KIAA0232: variants seen among roughly 807,000 people sequenced by gnomAD.
KIAA0232 encodes uncharacterized protein KIAA0232.
KIAA0232 carries 27 observed loss-of-function variants against 122.0 expected under a neutral mutation model. That is an observed-to-expected ratio of 0.22 (90% CI 0.16 to 0.31). The LOEUF is 0.31. Among genes scored for constraint, KIAA0232 ranks in the 10% least tolerant of loss-of-function variants. KIAA0232 has a pLI of 1.00. For missense variants in KIAA0232, 1,551 were observed against 1,634.2 expected (o/e 0.95, Z 0.88); for synonymous variants, 613 against 587.6 (o/e 1.04, Z -0.63).
At chr4:6,811,626 G>A (rs974299059) in intron 2 of KIAA0232, among the ~76,000 whole-genome samples, 7 of 151,900 alleles carry the variant, frequency 4.6e-5, no homozygotes, top group African/African-American at 7.3e-5. Context: ...TATTTTTTTG[G>A]TAGAGATGGG....
chr4:6,839,508 A>G (rs1237456176), intron 3 of KIAA0232, among the ~76,000 whole-genome samples: 2 of 152,238 alleles, frequency 1.3e-5, no homozygotes, highest in African/African-American at 2.4e-5. Flanking sequence ...CAATACAGAG[A>G]AAACTAGGGA....
intron 8 of KIAA0232, among the ~76,000 whole-genome samples, chr4:6,873,375 A>T (rs1260973196): frequency 6.6e-6 from 1 of 152,232 alleles, no homozygotes; most frequent in East Asian, 1.9e-4. Context: ...GCTTCCCTTC[A>T]TGTGTGTCCA....
At chr4:6,808,980 A>G (rs767567860) in intron 2 of KIAA0232, among the ~76,000 whole-genome samples, 18 of 152,156 alleles carry the variant, frequency 1.2e-4, no homozygotes, top group Non-Finnish European at 4.4e-5. Flanking sequence ...GTATAAAAGG[A>G]CATCATCACA....
At chr4:6,838,178 A>G (rs969674174) in intron 3 of KIAA0232, among the ~76,000 whole-genome samples, 4 of 140,438 alleles carry the variant, frequency 2.8e-5, no homozygotes, top group Non-Finnish European at 4.6e-5. Flanking sequence ...GTATGAGGGT[A>G]ACAAAGATAG....
chr4:6,871,964 A>G (rs945619600), intron 8 of KIAA0232, among the ~76,000 whole-genome samples: 1 of 152,218 alleles, frequency 6.6e-6, no homozygotes, highest in Non-Finnish European at 1.5e-5. Context: ...AGGAGGAAAC[A>G]GCGGGCAGTC....
intron 7 of KIAA0232, among the ~76,000 whole-genome samples, chr4:6,864,829 A>G (rs1307181936): frequency 6.6e-6 from 1 of 152,156 alleles, no homozygotes; most frequent in Non-Finnish European, 1.5e-5. Context: ...ATGAATCAGG[A>G]AGTGGCTGCT....
Position 6,824,215 on chromosome 4 carries a change from T to C in KIAA0232, c.-239T>C. Reference sequence around the variant, plus strand: ...GCCGGAGACTTCCATTTGGCCTCAATGTGAAATTAAAGTAGAAAATCACAT... The same window carrying C: ...GCCGGAGACTTCCATTTGGCCTCAACGTGAAATTAAAGTAGAAAATCACAT... On this transcript the variant is annotated 5_prime_UTR_variant, in exon 3 of 10. An upstream start codon of the reference 5' UTR is lost. Coordinates refer to ENST00000307659, the MANE Select transcript of KIAA0232 (RefSeq NM_014743.3). 8 of 548,646 alleles carry C rather than the reference T, an allele frequency of 1.5e-5. No homozygotes were observed. The East Asian group carries it at 1.7e-4, about 11-fold the overall frequency. 34.0% of individuals were successfully genotyped at this position (548,646 alleles called of 1,614,324 possible). A position where few individuals can be genotyped will look rare whatever the true frequency, so the allele number is the denominator to read the frequency against.
chr4:6,826,501 G>T (rs1435611399), intron 3 of KIAA0232, among the ~76,000 whole-genome samples: 2 of 148,128 alleles, frequency 1.4e-5, no homozygotes, highest in Non-Finnish European at 3.0e-5. Context: ...CATAGGGAAT[G>T]ATTTTTTTTT....
rs1720529012 is a variant in KIAA0232 at position 6,855,583 on chromosome 4, C to T, written c.370-1581C>T. 1.3e-5 allele frequency among the ~76,000 whole-genome samples: 2 copies of T among 151,918 alleles called. No individual in the cohort carries two copies. The highest frequency in any genetic ancestry group is 1.5e-5 in the Non-Finnish European group (1 of 68,030). ...ATCACTCATATAGTATACATATTTACTCATATATTAATAAATATATGTGTG... is the reference window on the plus strand; with the variant it reads ...ATCACTCATATAGTATACATATTTATTCATATATTAATAAATATATGTGTG... On this transcript the variant is annotated intron_variant, in intron 4 of 9. Transcript: ENST00000307659. The surrounding 1 kb of genome is among the most constrained non-coding windows in gnomAD (Gnocchi z 4.3).
chr4:6,804,952 C>CTCCACTGCTTTGTT (rs75746881), intron 2 of KIAA0232, among the ~76,000 whole-genome samples: 1 of 152,024 alleles, frequency 6.6e-6, no homozygotes, highest in African/African-American at 2.4e-5. Flanking sequence ...AATGAATGCT[C>CTCCACTGCTTTGTT]TCCTTCTTGG....
Position 6,808,076 on chromosome 4 carries a change from AAAAAG to A in KIAA0232, c.-270+3475_-270+3479del, listed in dbSNP as rs540400981. On this transcript the variant is annotated intron_variant, in intron 2 of 9. Coordinates refer to ENST00000307659, the MANE Select transcript of KIAA0232 (RefSeq NM_014743.3). ...GAGTGAGACTATGTCTCAAAAAAGA[AAAAAG>A]AAAATAACAGACAAGAATTATTTAT... is the stretch of plus-strand genomic sequence containing the variant. 2.9e-3 allele frequency among the ~76,000 whole-genome samples: 435 copies of A among 152,194 alleles called. 3 individuals are homozygous for A. The highest frequency in any genetic ancestry group is 0.01 in the African/African-American group (416 of 41,458).
At chr4:6,850,626 T>C (rs1455485277) in intron 4 of KIAA0232, among the ~76,000 whole-genome samples, 1 of 152,128 alleles carries the variant, frequency 6.6e-6, no homozygotes, top group Non-Finnish European at 1.5e-5. Context: ...GCCTTTCAAT[T>C]GCTTCTCATT....
rs1228394763 is a variant in KIAA0232 at position 6,824,528 on chromosome 4, G to T, written c.75G>T (p.Val25=). Residue 25 remains valine (V), a synonymous_variant, in exon 3 of 10, where the codon GTG becomes GTT. Transcript: ENST00000307659. The stretch of plus-strand genomic sequence containing the variant: ...CCTCAAGTTCTTATCCAGGCCCTGT[G>T]TCTGTTTCTGAAATGTCTCTGCTTC... ...ESSSSSYPGP[V]SVSEMSLLHA... 6.2e-7 allele frequency: 1 copy of T among 1,614,066 alleles called. No individual in the cohort carries two copies. The highest frequency in any genetic ancestry group is 1.7e-5 in the Admixed American group (1 of 59,988).
chr4:6,821,870 C>G (rs1037469829), intron 2 of KIAA0232, among the ~76,000 whole-genome samples: 1 of 151,912 alleles, frequency 6.6e-6, no homozygotes, highest in Non-Finnish European at 1.5e-5. Flanking sequence ...GTATAGAATT[C>G]TAGGTTGACA....
chr4:6,845,843 A>G (rs1317860656), intron 4 of KIAA0232, among the ~76,000 whole-genome samples: 1 of 152,174 alleles, frequency 6.6e-6, no homozygotes, highest in Non-Finnish European at 1.5e-5. Flanking sequence ...TCTATGAGTA[A>G]TGCAAGACCC....
At chr4:6,791,751 C>T (rs969946883) in intron 1 of KIAA0232, among the ~76,000 whole-genome samples, 2 of 152,206 alleles carry the variant, frequency 1.3e-5, no homozygotes, top group Non-Finnish European at 2.9e-5. Context: ...AAAGAGTGTT[C>T]TTGTGTCATT....
intron 1 of KIAA0232, among the ~76,000 whole-genome samples, chr4:6,785,169 C>G (rs571080332): frequency 2.6e-5 from 4 of 152,212 alleles, no homozygotes; most frequent in South Asian, 4.1e-4. Flanking sequence ...TCTCTCCTGA[C>G]CTCGTGATCC....
intron 2 of KIAA0232, among the ~76,000 whole-genome samples, chr4:6,812,741 T>C (rs113959600): frequency 1.6e-4 from 25 of 152,304 alleles, no homozygotes; most frequent in African/African-American, 5.5e-4. Flanking sequence ...CAGATTTTTC[T>C]CCACAAGGTC....
At chr4:6,784,120 A>G (rs1161906543) in intron 1 of KIAA0232, among the ~76,000 whole-genome samples, 1 of 151,418 alleles carries the variant, frequency 6.6e-6, no homozygotes, top group East Asian at 1.9e-4. Flanking sequence ...CAGGAGGGAG[A>G]TTCAGCGGAG....
Sources: allele counts gnomAD v4.1 joint callset (sites outside exome capture counted in the v4.1 genomes callset), GRCh38; gene constraint gnomAD v4.1.1; non-coding constraint Gnocchi (gnomAD v3.1); transcripts MANE v1.5; gene names NCBI Gene and HGNC (gene_info 2026-07-23, HGNC 2026-07-21).